FCHSD2: variants seen among roughly 807,000 people sequenced by gnomAD.
The protein encoded by FCHSD2 is FCH and double SH3 domains 2, also known as F-BAR and double SH3 domains protein 2.
FCHSD2 carries 38 observed loss-of-function variants against 108.1 expected under a neutral mutation model. That is an observed-to-expected ratio of 0.35 (90% CI 0.27 to 0.46). FCHSD2 has a LOEUF of 0.46. Among genes scored for constraint, FCHSD2 ranks in the 20% least tolerant of loss-of-function variants. The probability of loss-of-function intolerance (pLI) is 1.00; values close to 1 mark genes in which losing one functional copy is unlikely to be tolerated. For synonymous variants in FCHSD2, 279 were observed against 314.7 expected (o/e 0.89, Z 1.20); for missense variants, 751 against 897.8 (o/e 0.84, Z 2.09).
chr11:72,891,180 C>T (rs1396433166), intron 10 of FCHSD2, among the ~76,000 whole-genome samples: 1 of 152,162 alleles, frequency 6.6e-6, no homozygotes, highest in Non-Finnish European at 1.5e-5. Context: ...AATCCTCCCA[C>T]CCTGGTCTTC....
At chr11:72,922,048 A>C (rs765053299) in intron 8 of FCHSD2, 98 bp from the exon 9 acceptor site, 3 of 729,590 alleles carry the variant, frequency 4.1e-6, no homozygotes, top group Non-Finnish European at 6.6e-6. Context: ...TCAGTTTAAA[A>C]TTTATTATTA....
In FCHSD2 at chr11:72,956,230, A is replaced by G. The variant is rs537589734; in HGVS notation, c.705+27858T>C. Among the ~76,000 whole-genome samples the G allele has an allele frequency of 5.3e-5, 8 of 152,328 alleles. No homozygotes were observed. In the South Asian group the frequency reaches 1.7e-3, roughly 32 times the overall value. ...TATAAATAAATAAACAAGCACATAA[A>G]TGGCAGAGAATAGAAACTTCTTCCT... On this transcript the variant is annotated intron_variant, in intron 8 of 19. Transcript: ENST00000409418.
intron 8 of FCHSD2, among the ~76,000 whole-genome samples, chr11:72,928,451 C>G (rs1453772419): frequency 6.6e-6 from 1 of 152,126 alleles, no homozygotes; most frequent in Non-Finnish European, 1.5e-5. Flanking sequence ...TTCATGTTCC[C>G]AAATAAGTTA....
chr11:73,139,457 A>G (rs1257506454), intron 2 of FCHSD2, among the ~76,000 whole-genome samples: 2 of 152,234 alleles, frequency 1.3e-5, no homozygotes, highest in Admixed American at 6.5e-5. Context: ...AGTAAGAAAG[A>G]TACTGATTTT....
At chr11:73,066,059 C>T (rs1374432996) in intron 3 of FCHSD2, among the ~76,000 whole-genome samples, 1 of 152,080 alleles carries the variant, frequency 6.6e-6, no homozygotes, top group Non-Finnish European at 1.5e-5. Context: ...CAATCCTGGG[C>T]AAGAAGAACA....
chr11:72,898,154 A>C (rs1157035126), intron 10 of FCHSD2, among the ~76,000 whole-genome samples: 11 of 152,224 alleles, frequency 7.2e-5, no homozygotes, highest in Non-Finnish European at 1.3e-4. Flanking sequence ...TACTATAATA[A>C]TACTGTGACT....
At chr11:73,092,162 C>T (rs1283944231) in intron 2 of FCHSD2, among the ~76,000 whole-genome samples, 1 of 152,132 alleles carries the variant, frequency 6.6e-6, no homozygotes, top group Non-Finnish European at 1.5e-5. Flanking sequence ...GGGTCTTGCT[C>T]CATCACTAAG....
At chr11:72,887,356 C>CG in intron 12 of FCHSD2, 114 bp downstream of exon 12, 1 of 680,222 alleles carries the variant, frequency 1.5e-6, no homozygotes, top group Non-Finnish European at 2.5e-6. Context: ...CGAATGAAGA[C>CG]GGTGAATCAC....
intron 12 of FCHSD2, among the ~76,000 whole-genome samples, chr11:72,883,536 A>T (rs753701278): frequency 2.0e-5 from 3 of 152,238 alleles, no homozygotes; most frequent in Non-Finnish European, 4.4e-5. Flanking sequence ...AACTTATAAA[A>T]AGATGCTCAG....
intron 13 of FCHSD2, among the ~76,000 whole-genome samples, chr11:72,859,704 C>A (rs77884652): frequency 0.069 from 10,539 of 152,154 alleles, 499 homozygotes; most frequent in South Asian, 0.14. Flanking sequence ...TGCAGAGGGT[C>A]CTCCTCAAGA....
At chr11:73,115,514 G>A (rs143652784) in intron 2 of FCHSD2, among the ~76,000 whole-genome samples, 11 of 152,138 alleles carry the variant, frequency 7.2e-5, no homozygotes, top group Admixed American at 2.6e-4. Context: ...CTATACTTTC[G>A]TGTCGTTTTC....
chr11:72,868,127 A>G (rs1854770789), intron 12 of FCHSD2, 101 bp from the exon 13 acceptor site: 3 of 1,090,618 alleles, frequency 2.8e-6, no homozygotes. Context: ...GACTGGATAA[A>G]GAAAATGTGG....
intron 4 of FCHSD2, among the ~76,000 whole-genome samples, chr11:73,009,994 C>T (rs936963256): frequency 6.6e-6 from 1 of 152,144 alleles, no homozygotes; most frequent in Non-Finnish European, 1.5e-5. Context: ...ATAGATTTTT[C>T]TAACCTTCCC....
intron 8 of FCHSD2, among the ~76,000 whole-genome samples, chr11:72,958,534 C>A (rs1424270712): frequency 6.6e-6 from 1 of 152,094 alleles, no homozygotes; most frequent in Non-Finnish European, 1.5e-5. Flanking sequence ...CAAAACAAAA[C>A]AAAACAACAA....
intron 13 of FCHSD2, among the ~76,000 whole-genome samples, chr11:72,862,700 A>G (rs1258631683): frequency 2.0e-5 from 3 of 152,218 alleles, no homozygotes; most frequent in African/African-American, 7.2e-5. Flanking sequence ...AAAAATCCTG[A>G]TAGGCTTTTT....
intron 13 of FCHSD2, among the ~76,000 whole-genome samples, chr11:72,851,101 C>CA (rs55916551): frequency 0.64 from 45,280 of 70,358 alleles, 15,382 homozygotes; most frequent in South Asian, 0.81. Context: ...GACTCTGTCT[C>CA]AAAAAAAAAA....
At chr11:72,973,441 T>C (rs1181618623) in intron 8 of FCHSD2, among the ~76,000 whole-genome samples, 1 of 151,880 alleles carries the variant, frequency 6.6e-6, no homozygotes, top group Non-Finnish European at 1.5e-5. Context: ...AATGAAATAC[T>C]ATATAGCAAA....
chr11:72,953,313 T>C (rs1279755756), intron 8 of FCHSD2, among the ~76,000 whole-genome samples: 1 of 152,186 alleles, frequency 6.6e-6, no homozygotes, highest in African/African-American at 2.4e-5. Flanking sequence ...ATCAATTCCT[T>C]TTTCAAAATT....
rs562286444 is a variant in FCHSD2 at position 72,917,384 on chromosome 11, A to G, written c.828+4444T>C. ...AATAGTCATGGCACCTTTGTTGCAA[A>G]TCAATTGACCATAGATGTTCAGGTT... is the stretch of plus-strand genomic sequence containing the variant. On this transcript the variant is annotated intron_variant, in intron 9 of 19. Transcript: ENST00000409418. 5.9e-5 allele frequency among the ~76,000 whole-genome samples: 9 copies of G among 152,308 alleles called. No homozygotes were observed. In the South Asian group the frequency reaches 1.7e-3, roughly 28 times the overall value.
Sources: allele counts gnomAD v4.1 joint callset (sites outside exome capture counted in the v4.1 genomes callset), GRCh38; gene constraint gnomAD v4.1.1; transcripts MANE v1.5; gene names NCBI Gene and HGNC (gene_info 2026-07-23, HGNC 2026-07-21).